The following HPSE2 variants were observed in gnomAD, a reference collection of about 807,000 sequenced individuals.
The protein encoded by HPSE2 is heparanase 2 (inactive).
In HPSE2, 38 loss-of-function variants were observed where a neutral mutation model predicts 60.5. The observed-to-expected ratio is 0.63, with a 90% CI of 0.48 to 0.82. HPSE2 has a LOEUF of 0.82. HPSE2 is among the 40% of genes least tolerant of loss of function. HPSE2 has a pLI of 0.00. For synonymous variants in HPSE2, 295 were observed against 293.2 expected, an observed-to-expected ratio of 1.01 and a Z score of -0.06; for missense variants, 713 against 740.4, an observed-to-expected ratio of 0.96 and a Z score of 0.43.
In HPSE2 at chr10:99,045,785, G is replaced by A. The variant is rs143303930; in HGVS notation, c.610+98453C>T. 2.6e-5 allele frequency among the ~76,000 whole-genome samples: 4 copies of A among 152,186 alleles called. No individual in the cohort carries two copies. In the East Asian group the frequency reaches 7.7e-4, roughly 29 times the overall value. ...ACACAATCTGTCAAGATTGACTCAG[G>A]AAGAGATTGAAACCCTGAATGGACC... On this transcript the variant is annotated intron_variant, in intron 3 of 11. Transcript: ENST00000370552.
At chr10:99,113,560 C>T (rs1331248276) in intron 3 of HPSE2, among the ~76,000 whole-genome samples, 1 of 152,038 alleles carries the variant, frequency 6.6e-6, no homozygotes, top group African/African-American at 2.4e-5. Context: ...TTAAATTAAT[C>T]AGCTGAAAAT....
intron 3 of HPSE2, among the ~76,000 whole-genome samples, chr10:98,873,442 G>A (rs1452035310): frequency 6.6e-6 from 1 of 152,010 alleles, no homozygotes; most frequent in Non-Finnish European, 1.5e-5. Flanking sequence ...CCACTTATGA[G>A]TGGGAACATG....
intron 2 of HPSE2, among the ~76,000 whole-genome samples, chr10:99,184,862 A>AGAGAGAGAGAGAGG (rs1847943575): frequency 3.1e-5 from 4 of 130,426 alleles, no homozygotes; most frequent in African/African-American, 1.1e-4. Context: ...AGAGAGAGAG[A>AGAGAGAGAGAGAGG]GACAGAAACA....
chr10:99,034,185 A>T (rs923551121), intron 3 of HPSE2, among the ~76,000 whole-genome samples: 1 of 152,256 alleles, frequency 6.6e-6, no homozygotes, highest in Non-Finnish European at 1.5e-5. Flanking sequence ...AACAACATAG[A>T]TAAATAATAA....
chr10:98,596,756 CT>C (rs998728860), intron 9 of HPSE2, among the ~76,000 whole-genome samples: 30 of 151,954 alleles, frequency 2.0e-4, no homozygotes, highest in Non-Finnish European at 4.4e-5. Context: ...CGATTTGCTT[CT>C]TTTTTCTTGC....
chr10:98,987,610 T>C (rs1008687695), intron 3 of HPSE2, among the ~76,000 whole-genome samples: 6 of 152,024 alleles, frequency 3.9e-5, no homozygotes, highest in African/African-American at 1.5e-4. Context: ...CTCTCACCAC[T>C]CCTATTCAAC....
At chr10:98,777,232 T>C (rs545495338) in intron 3 of HPSE2, among the ~76,000 whole-genome samples, 1 of 152,226 alleles carries the variant, frequency 6.6e-6, no homozygotes, top group East Asian at 1.9e-4. Flanking sequence ...CTCATCCCTA[T>C]CACCTTGGGC....
chr10:99,176,614 G>A (rs1847535836), intron 2 of HPSE2, among the ~76,000 whole-genome samples: 1 of 152,056 alleles, frequency 6.6e-6, no homozygotes, highest in African/African-American at 2.4e-5. Context: ...CAAGAAATAT[G>A]GGACTATGTG....
intron 2 of HPSE2, among the ~76,000 whole-genome samples, chr10:99,167,258 A>G (rs1020084588): frequency 5.1e-4 from 77 of 151,936 alleles, no homozygotes; most frequent in African/African-American, 1.7e-3. Context: ...TAATCCACCC[A>G]CCTGCCTCCC....
chr10:99,190,523 T>C (rs1258308600), intron 2 of HPSE2, among the ~76,000 whole-genome samples: 1 of 152,180 alleles, frequency 6.6e-6, no homozygotes, highest in African/African-American at 2.4e-5. Context: ...AGTTCATATA[T>C]ATGTCTGTCT....
At chr10:98,572,547 C>G (rs1466179450) in intron 9 of HPSE2, among the ~76,000 whole-genome samples, 1 of 152,188 alleles carries the variant, frequency 6.6e-6, no homozygotes, top group Non-Finnish European at 1.5e-5. Flanking sequence ...TTCGTGAACT[C>G]TTATACCTGT....
intron 3 of HPSE2, among the ~76,000 whole-genome samples, chr10:98,972,773 T>A (rs1200760226): frequency 6.6e-6 from 1 of 152,178 alleles, no homozygotes; most frequent in Non-Finnish European, 1.5e-5. Context: ...AAGACAACCA[T>A]CCTAGTTCCA....
chr10:98,960,443 A>C (rs1450039826), intron 3 of HPSE2, among the ~76,000 whole-genome samples: 1 of 152,112 alleles, frequency 6.6e-6, no homozygotes, highest in Admixed American at 6.6e-5. Flanking sequence ...AAATTCATTT[A>C]TTTACATTAT....
At chr10:98,544,952 TA>T (rs1392938709) in intron 9 of HPSE2, among the ~76,000 whole-genome samples, 1 of 151,650 alleles carries the variant, frequency 6.6e-6, no homozygotes, top group East Asian at 1.9e-4. Context: ...ATAGATGCAA[TA>T]AAAAATGACA....
At chr10:98,957,721 G>C (rs1372811084) in intron 3 of HPSE2, among the ~76,000 whole-genome samples, 2 of 152,118 alleles carry the variant, frequency 1.3e-5, no homozygotes, top group African/African-American at 4.8e-5. Context: ...TCCCAATTGT[G>C]ACTTTGGAGT....
At chr10:98,870,088 T>A (rs533059408) in intron 3 of HPSE2, among the ~76,000 whole-genome samples, 1 of 152,298 alleles carries the variant, frequency 6.6e-6, no homozygotes, top group African/African-American at 2.4e-5. Flanking sequence ...CTAAAATATA[T>A]ACCTAATAAT....
At chr10:98,524,473 G>A (rs908128606) in intron 9 of HPSE2, among the ~76,000 whole-genome samples, 1 of 151,994 alleles carries the variant, frequency 6.6e-6, no homozygotes, top group African/African-American at 2.4e-5. Flanking sequence ...AGAAGGCAAT[G>A]GTATTTATTC....
At chr10:99,037,980 C>A (rs187471696) in intron 3 of HPSE2, among the ~76,000 whole-genome samples, 1 of 152,000 alleles carries the variant, frequency 6.6e-6, no homozygotes, top group African/African-American at 2.4e-5. Context: ...CAAATTAAGA[C>A]CATGATGATA....
At chr10:98,472,564 G>A (rs1476488327) in intron 11 of HPSE2, among the ~76,000 whole-genome samples, 7 of 152,160 alleles carry the variant, frequency 4.6e-5, no homozygotes, top group Non-Finnish European at 2.9e-5. Flanking sequence ...CCCTGCAGGG[G>A]TTAACAGCTT....
Sources: allele counts gnomAD v4.1 joint callset (sites outside exome capture counted in the v4.1 genomes callset), GRCh38; gene constraint gnomAD v4.1.1; transcripts MANE v1.5; gene names NCBI Gene and HGNC (gene_info 2026-07-23, HGNC 2026-07-21).